PLEKHG1: variants seen among roughly 807,000 people sequenced by gnomAD.
The protein encoded by PLEKHG1 is pleckstrin homology and RhoGEF domain containing G1, also known as pleckstrin homology domain-containing family G member 1.
In PLEKHG1, 44 loss-of-function variants were observed where a neutral mutation model predicts 100.8. The observed-to-expected ratio is 0.44, with a 90% CI of 0.34 to 0.56. The LOEUF is 0.56. Ranked by LOEUF, PLEKHG1 falls within the 20% of genes least tolerant of loss-of-function variation. The pLI is 0.01. For synonymous variants in PLEKHG1, 640 were observed against 662.5 expected, an observed-to-expected ratio of 0.97 and a Z score of 0.52; for missense variants, 1,545 against 1,720.9, an observed-to-expected ratio of 0.90 and a Z score of 1.81.
chr6:150,695,639 G>A (rs1168341544), intron 3 of PLEKHG1, among the ~76,000 whole-genome samples: 1 of 152,166 alleles, frequency 6.6e-6, no homozygotes, highest in Non-Finnish European at 1.5e-5. Context: ...ATTCTCCTGA[G>A]GACTGGATGA....
rs116469447 is a variant in PLEKHG1, at chr6:150,746,150, G to A, written c.411+12058G>A. ...AGACCAAGATAGCCGCTAGGTTGTC[G>A]GGAGCCTTCGTGTTTTGTTCCTATG... is the stretch of plus-strand genomic sequence containing the variant. On this transcript the variant is annotated intron_variant, in intron 2 of 15. Coordinates refer to ENST00000358517, the Ensembl canonical transcript of PLEKHG1. Among the ~76,000 whole-genome samples the A allele has an allele frequency of 8.2e-3, 1,253 of 152,212 alleles. 20 individuals are homozygous for A. The highest frequency in any genetic ancestry group is 0.029 in the African/African-American group (1,185 of 41,546).
intron 9 of PLEKHG1, 65 bp downstream of exon 10, chr6:150,809,541 G>GTGGCTTT (rs1787363059): frequency 1.3e-6 from 2 of 1,517,596 alleles, no homozygotes; most frequent in African/African-American, 2.7e-5. Flanking sequence ...TGTGTACCAT[G>GTGGCTTT]TGGCTTTTTG....
chr6:150,804,282 G>A (rs1311921510), intron 6 of PLEKHG1, among the ~76,000 whole-genome samples: 4 of 140,002 alleles, frequency 2.9e-5, no homozygotes, highest in African/African-American at 1.1e-4. Context: ...TGTCCCCCAG[G>A]TTCAAGTGAT....
At chr6:150,784,351 C>T (rs1785486411) in intron 3 of PLEKHG1, among the ~76,000 whole-genome samples, 1 of 152,198 alleles carries the variant, frequency 6.6e-6, no homozygotes, top group South Asian at 2.1e-4. Context: ...ATCTATAAAT[C>T]ACAGGTAGAC....
chr6:150,810,514 AAAAG>A (rs370057036), intron 10 of PLEKHG1, among the ~76,000 whole-genome samples: 2,281 of 88,610 alleles, frequency 0.026, 57 homozygotes, highest in African/African-American at 0.06. Flanking sequence ...GAAAGAAAGA[AAAAG>A]AAAGAAAGAA....
chr6:150,819,117 T>C lies in PLEKHG1; in HGVS notation c.1313-562T>C, dbSNP rs991516175. On this transcript the variant is annotated intron_variant, in intron 11 of 15. Transcript: ENST00000358517. ...TTTACCTGCAGAAATTGCCTTCGGA[T>C]TTTTTTTTTTTTTTTTTGGCCGGGT... Among the ~76,000 whole-genome samples, 55 of 80,308 alleles carry C rather than the reference T, an allele frequency of 6.8e-4. No homozygotes were observed. In the East Asian group the frequency reaches 0.012, roughly 17 times the overall value. The allele number at this position is 80,308 out of a possible 152,430, so 52.7% of individuals were successfully genotyped here.
chr6:150,777,398 G>A (rs1245383988), intron 3 of PLEKHG1, among the ~76,000 whole-genome samples: 1 of 145,404 alleles, frequency 6.9e-6, no homozygotes, highest in Non-Finnish European at 1.5e-5. Context: ...TGGTGCACAT[G>A]TGTGGTTGCA....
rs373592317 is a variant in PLEKHG1, at chr6:150,809,631, A to G, written c.1192-17A>G. On this transcript the variant is annotated splice_polypyrimidine_tract_variant and intron_variant, in intron 9 of 15. Transcript: ENST00000358517. ...GTGGAATCAAGTTGTCTGACTGTCTACATCTCGTCTTGGCAGGCCAAATCC... is the reference window on the plus strand; with the variant it reads ...GTGGAATCAAGTTGTCTGACTGTCTGCATCTCGTCTTGGCAGGCCAAATCC... 17 of 1,608,660 alleles carry G rather than the reference A, an allele frequency of 1.1e-5. No homozygotes were observed. The highest frequency in any genetic ancestry group is 1.4e-5 in the Non-Finnish European group (17 of 1,175,130).
chr6:150,807,929 A>G (rs532082033), intron 7 of PLEKHG1, among the ~76,000 whole-genome samples: 1 of 152,202 alleles, frequency 6.6e-6, no homozygotes, highest in Non-Finnish European at 1.5e-5. Flanking sequence ...AGATTGTGCC[A>G]CTGCACTCCA....
intron 3 of PLEKHG1, among the ~76,000 whole-genome samples, chr6:150,660,111 T>C (rs908531228): frequency 7.9e-5 from 12 of 151,666 alleles, no homozygotes; most frequent in African/African-American, 2.7e-4. Context: ...GGTTTCACCA[T>C]ATTGGCCAGG....
At chr6:150,840,485 G>T in exon 16 of PLEKHG1, 2 of 1,614,164 alleles carry the variant, frequency 1.2e-6, no homozygotes, top group South Asian at 2.2e-5. Flanking sequence ...AGAAAGTTGT[G>T]GTGGTCAATA....
At chr6:150,819,552 C>A in intron 11 of PLEKHG1, 127 bp from the exon 13 acceptor site, 1 of 475,504 alleles carries the variant, frequency 2.1e-6, no homozygotes, top group Non-Finnish European at 3.7e-6. Flanking sequence ...GGTGACAGAG[C>A]AAGACTCTGT....
At position 150,656,109 on chromosome 6, in the gene PLEKHG1, A is replaced by T. The variant is rs181645537; in HGVS notation, c.-99+5323A>T. The stretch of plus-strand genomic sequence containing the variant: ...CTTAAAGTATAATAAAAAATAAAAA[A>T]AAATCAACCAATAAAAAAAAAACTC... On this transcript the variant is annotated intron_variant, in intron 3 of 3. Coordinates refer to the PLEKHG1 transcript ENST00000367326. 2.7e-3 allele frequency among the ~76,000 whole-genome samples: 407 copies of T among 152,132 alleles called. 11 individuals are homozygous for T. The highest frequency in any genetic ancestry group is 0.025 in the Admixed American group (386 of 15,276).
intron 1 of PLEKHG1, among the ~76,000 whole-genome samples, chr6:150,601,616 C>T (rs1776361636): frequency 6.6e-6 from 1 of 152,220 alleles, no homozygotes; most frequent in African/African-American, 2.4e-5. Flanking sequence ...CACCAAACCA[C>T]CTGACTAAAG....
chr6:150,667,848 A>C (rs1052255519), intron 3 of PLEKHG1, among the ~76,000 whole-genome samples: 1 of 152,212 alleles, frequency 6.6e-6, no homozygotes, highest in Non-Finnish European at 1.5e-5. Flanking sequence ...ACAAGTAAAA[A>C]TACTGTCTTC....
chr6:150,669,835 C>T lies in PLEKHG1; in HGVS notation c.-99+19049C>T, dbSNP rs549891151. ...CTGGTCTCGAACTCCTGACCTCAGG[C>T]GATCCACCCACCTCGGCCTCCCACA... On this transcript the variant is annotated intron_variant, in intron 3 of 3. Transcript: ENST00000367326. 2.6e-5 allele frequency among the ~76,000 whole-genome samples: 4 copies of T among 152,108 alleles called. No homozygotes were observed. In the South Asian group the frequency reaches 8.3e-4, roughly 32 times the overall value.
At chr6:150,786,307 A>G (rs1013926911) in intron 3 of PLEKHG1, 83 bp from the exon 5 acceptor site, 5 of 874,746 alleles carry the variant, frequency 5.7e-6, no homozygotes, top group Non-Finnish European at 7.5e-6. Flanking sequence ...TGCCATGGAA[A>G]TGTTTAAACT....
intron 3 of PLEKHG1, among the ~76,000 whole-genome samples, chr6:150,659,316 T>C (rs1189523435): frequency 6.6e-6 from 1 of 152,116 alleles, no homozygotes; most frequent in African/African-American, 2.4e-5. Context: ...TTAATTCAAG[T>C]GTTCTAAAAA....
chr6:150,789,489 C>G (rs1302037101), intron 4 of PLEKHG1, among the ~76,000 whole-genome samples: 1 of 152,154 alleles, frequency 6.6e-6, no homozygotes, highest in South Asian at 2.1e-4. Context: ...AATCACAGCC[C>G]TCCAATTTAA....
Sources: gnomAD v4.1 joint callset for allele counts (sites outside exome capture counted in the v4.1 genomes callset) on GRCh38, gnomAD v4.1.1 for gene constraint, MANE v1.5 for transcripts, NCBI Gene and HGNC (gene_info 2026-07-23, HGNC 2026-07-21) for gene names.